Variants in PDE1C observed in about 807,000 individuals in gnomAD.
PDE1C encodes dual specificity calcium/calmodulin-dependent 3',5'-cyclic nucleotide phosphodiesterase 1C.
PDE1C carries 62 observed loss-of-function variants against 93.1 expected under a neutral mutation model. That is an observed-to-expected ratio of 0.67 (90% CI 0.54 to 0.82). The LOEUF (loss-of-function observed/expected upper bound fraction) is 0.82, where lower values mean the gene tolerates loss of function less well. Ranked by LOEUF, PDE1C falls within the 40% of genes least tolerant of loss-of-function variation. The pLI is 0.00. For missense variants in PDE1C, 742 were observed against 884.6 expected (o/e 0.84, Z 2.04); for synonymous variants, 325 against 310.1 (o/e 1.05, Z -0.50).
intron 1 of PDE1C, among the ~76,000 whole-genome samples, chr7:32,064,379 A>G (rs779005021): frequency 6.6e-6 from 1 of 152,210 alleles, no homozygotes; most frequent in Non-Finnish European, 1.5e-5. Context: ...TCACTGAGAC[A>G]TCTAAGCTGA....
intron 1 of PDE1C, among the ~76,000 whole-genome samples, chr7:32,403,533 A>G (rs1784992678): frequency 2.0e-5 from 3 of 152,212 alleles, no homozygotes; most frequent in African/African-American, 7.2e-5. Flanking sequence ...AACTAGCACT[A>G]AAATCACTCA....
At chr7:31,951,745 G>A (rs1011986665) in intron 2 of PDE1C, among the ~76,000 whole-genome samples, 3 of 152,140 alleles carry the variant, frequency 2.0e-5, no homozygotes, top group Non-Finnish European at 4.4e-5. Flanking sequence ...TCTCCCCTCA[G>A]TCTTGAAAGT....
chr7:31,881,710 T>C (rs1357174930), intron 2 of PDE1C, among the ~76,000 whole-genome samples: 2 of 152,222 alleles, frequency 1.3e-5, no homozygotes, highest in Non-Finnish European at 2.9e-5. Flanking sequence ...TCATAACTTA[T>C]TAGCTGTGCA....
At chr7:32,052,075 G>T (rs1025667606) in intron 1 of PDE1C, among the ~76,000 whole-genome samples, 2 of 152,092 alleles carry the variant, frequency 1.3e-5, no homozygotes, top group Admixed American at 6.5e-5. Context: ...TAGCACTGAG[G>T]TCCCTTTAAG....
At chr7:32,372,468 C>T (rs1397433697) in intron 1 of PDE1C, among the ~76,000 whole-genome samples, 1 of 152,300 alleles carries the variant, frequency 6.6e-6, no homozygotes, top group Middle Eastern at 3.4e-3. Flanking sequence ...CCCTTCCTCA[C>T]ACAATACACG....
At chr7:32,424,810 A>G (rs2128100675) in intron 1 of PDE1C, among the ~76,000 whole-genome samples, 1 of 152,278 alleles carries the variant, frequency 6.6e-6, no homozygotes, top group South Asian at 2.1e-4. Context: ...CCTGGGTGAC[A>G]GACTAAGACC....
intron 3 of PDE1C, among the ~76,000 whole-genome samples, chr7:32,086,200 T>C (rs1160134187): frequency 7.2e-6 from 1 of 139,024 alleles, no homozygotes; most frequent in Non-Finnish European, 1.6e-5. Context: ...AGCATTCTTA[T>C]ACACCAATAA....
At chr7:32,302,328 CAAG>C (rs1033164995), upstream of PDE1C, among the ~76,000 whole-genome samples, 14 of 152,106 alleles carry the variant, frequency 9.2e-5, no homozygotes, top group African/African-American at 2.7e-4. Context: ...ACAAGGGAAA[CAAG>C]GAGGGAAGAA....
chr7:32,113,236 AATATATAT>A (rs35138046), intron 3 of PDE1C, among the ~76,000 whole-genome samples: 18 of 94,020 alleles, frequency 1.9e-4, no homozygotes, highest in Non-Finnish European at 2.7e-4. Context: ...ATTGTCCTTA[AATATATAT>A]ATATATATAT....
intron 3 of PDE1C, among the ~76,000 whole-genome samples, chr7:32,131,611 A>T (rs182768678): frequency 1.6e-4 from 24 of 152,272 alleles, no homozygotes; most frequent in Non-Finnish European, 3.4e-4. Context: ...ATTTACTTAT[A>T]TTGAATTTCA....
intron 3 of PDE1C, among the ~76,000 whole-genome samples, chr7:32,085,265 A>C (rs1796997163): frequency 1.4e-5 from 2 of 142,284 alleles, no homozygotes; most frequent in East Asian, 2.2e-4. Flanking sequence ...GAAATGGATA[A>C]ATTCCTCGAC....
chr7:31,624,157 G>C, the PDE1C span, among the ~76,000 whole-genome samples: 7 of 150,804 alleles, frequency 4.6e-5, no homozygotes, highest in Non-Finnish European at 7.4e-5. Context: ...CCATGCTCAT[G>C]GGTAGGAAGA....
intron 1 of PDE1C, among the ~76,000 whole-genome samples, chr7:32,060,791 G>A (rs920192731): frequency 7.2e-5 from 11 of 152,166 alleles, no homozygotes; most frequent in Non-Finnish European, 1.3e-4. Flanking sequence ...CATTTATGAG[G>A]CTTGATTTAT....
the PDE1C span, among the ~76,000 whole-genome samples, chr7:31,635,165 G>A: frequency 2.6e-5 from 4 of 152,150 alleles, no homozygotes; most frequent in Non-Finnish European, 5.9e-5. Flanking sequence ...GCCATTCTGA[G>A]CTAGGTGATT....
At chr7:31,710,945 G>A in the PDE1C span, among the ~76,000 whole-genome samples, 1 of 152,198 alleles carries the variant, frequency 6.6e-6, no homozygotes, top group Admixed American at 6.5e-5. Context: ...AAAACAATGT[G>A]TTATTTGAAA....
At chr7:32,016,353 G>A (rs907048160) in intron 2 of PDE1C, among the ~76,000 whole-genome samples, 1 of 152,164 alleles carries the variant, frequency 6.6e-6, no homozygotes, top group East Asian at 1.9e-4. Flanking sequence ...CCCAGTGGGA[G>A]CTTGCCTACC....
chr7:32,023,746 C>A (rs1349921293), intron 2 of PDE1C, among the ~76,000 whole-genome samples: 1 of 151,986 alleles, frequency 6.6e-6, no homozygotes, highest in South Asian at 2.1e-4. Flanking sequence ...TAACAGTTGT[C>A]AAGGCTTAGG....
rs147500835 is a variant in PDE1C, at chr7:31,828,516, C to A, written c.1204-143G>T. 9.4e-4 allele frequency: 545 copies of A among 581,882 alleles called. 4 individuals are homozygous for A. The highest frequency in any genetic ancestry group is 9.3e-3 in the African/African-American group (501 of 53,738). The allele number at this position is 581,882 out of a possible 1,614,324, so 36.0% of individuals were successfully genotyped here. A position where few individuals can be genotyped will look rare whatever the true frequency, so the allele number is the denominator to read the frequency against. On this transcript the variant is annotated intron_variant, in intron 11 of 17. Coordinates refer to ENST00000396191, the MANE Select transcript of PDE1C (RefSeq NM_001191057.4). ...CATTATAAAATAAGTCTTTATGGAG[C>A]CTGCTTCTCTACATAAAAGACACCA...
chr7:32,150,454 C>T (rs1232375079), intron 3 of PDE1C, among the ~76,000 whole-genome samples: 2 of 152,146 alleles, frequency 1.3e-5, no homozygotes, highest in Non-Finnish European at 2.9e-5. Context: ...GTAGGGTTTC[C>T]CTAGGGTGCA....
Sources: allele counts gnomAD v4.1 joint callset (sites outside exome capture counted in the v4.1 genomes callset), GRCh38; gene constraint gnomAD v4.1.1; transcripts MANE v1.5; gene names NCBI Gene and HGNC (gene_info 2026-07-23, HGNC 2026-07-21).